Variants in C11orf65 observed in about 807,000 individuals in gnomAD.
The protein encoded by C11orf65 is protein MFI.
A neutral mutation model predicts 35.3 loss-of-function variants in C11orf65; 38 were observed. The ratio of observed to expected loss-of-function variants is 1.08; its 90% CI spans 0.83 to 1.41. C11orf65 has a LOEUF of 1.41. C11orf65 is among the 40% of genes most tolerant of loss of function. The probability of loss-of-function intolerance (pLI) is 0.00; values close to 1 mark genes in which losing one functional copy is unlikely to be tolerated. For synonymous variants in C11orf65, 105 were observed against 114.4 expected (o/e 0.92, Z 0.53); for missense variants, 370 against 367.1 (o/e 1.01, Z -0.06).
At chr11:108,469,641 C>A (rs1438358902), upstream of C11orf65, among the ~76,000 whole-genome samples, 1 of 151,982 alleles carries the variant, frequency 6.6e-6, no homozygotes, top group African/African-American at 2.4e-5. Flanking sequence ...TACCTCTAAC[C>A]TGATCCACAA....
intron 2 of C11orf65, among the ~76,000 whole-genome samples, chr11:108,361,603 T>C (rs1419748040): frequency 6.6e-6 from 1 of 151,730 alleles, no homozygotes; most frequent in African/African-American, 2.4e-5. Flanking sequence ...AACAGAGATA[T>C]AGATCAATGG....
intron 7 of C11orf65, among the ~76,000 whole-genome samples, chr11:108,388,321 A>T (rs2092063212): frequency 6.6e-6 from 1 of 152,238 alleles, no homozygotes; most frequent in African/African-American, 2.4e-5. Context: ...AATTGATAAG[A>T]AATCTAAGTT....
chr11:108,433,241 TTATATA>T (rs572182230), intron 2 of C11orf65, among the ~76,000 whole-genome samples: 10 of 148,722 alleles, frequency 6.7e-5, no homozygotes, highest in Admixed American at 2.7e-4. Flanking sequence ...AAAAAAAAAT[TTATATA>T]TATATATCTC....
chr11:108,332,612 T>A, intron 3 of C11orf65: 1 of 845,026 alleles, frequency 1.2e-6, no homozygotes, highest in Non-Finnish European at 1.8e-6. Context: ...GTATTTCATT[T>A]ATGACTGTTT....
chr11:108,371,916 G>A (rs967680565), intron 2 of C11orf65, among the ~76,000 whole-genome samples: 5 of 152,130 alleles, frequency 3.3e-5, no homozygotes, highest in African/African-American at 1.2e-4. Flanking sequence ...TATGTTTTGA[G>A]TAGCAGACAT....
chr11:108,329,278 G>A (rs1488071646), downstream of C11orf65: 6 of 1,526,416 alleles, frequency 3.9e-6, no homozygotes, highest in Non-Finnish European at 5.4e-6. Flanking sequence ...ATGTTCACCA[G>A]TTAACTGAGT....
intron 6 of C11orf65, chr11:108,312,626 A>G (rs1234211090): frequency 5.9e-6 from 4 of 677,420 alleles, no homozygotes; most frequent in Non-Finnish European, 1.0e-5. Context: ...AGCATCATAT[A>G]TATAAAATTA....
chr11:108,399,041 A>C (rs1416490199), intron 6 of C11orf65, among the ~76,000 whole-genome samples: 1 of 152,128 alleles, frequency 6.6e-6, no homozygotes, highest in Non-Finnish European at 1.5e-5. Flanking sequence ...TAGCCAGAAC[A>C]ACTTTGGTGA....
chr11:108,310,375 T>C (rs2084048180), intron 6 of C11orf65: 1 of 1,497,766 alleles, frequency 6.7e-7, no homozygotes. Flanking sequence ...TCAATAAGGG[T>C]ATATAGTAAA....
At chr11:108,436,049 T>C (rs954952951) in intron 2 of C11orf65, among the ~76,000 whole-genome samples, 22 of 151,732 alleles carry the variant, frequency 1.4e-4, no homozygotes, top group African/African-American at 4.8e-4. Flanking sequence ...AGGGAAAGAC[T>C]TGACAGGTCA....
chr11:108,378,961 A>G (rs995659444), downstream of C11orf65, among the ~76,000 whole-genome samples: 5 of 152,182 alleles, frequency 3.3e-5, no homozygotes, highest in Non-Finnish European at 5.9e-5. Context: ...GGCGATCATT[A>G]AAAAGTCAGG....
Position 108,343,201 on chromosome 11 carries a change from GTATT to G in C11orf65, c.227-7913_227-7910del, listed in dbSNP as rs1064794684. On this transcript the variant is annotated intron_variant, in intron 2 of 3. Coordinates refer to the C11orf65 transcript ENST00000524755. ...TTTAATGGCCTTTTAAAATTAAAAGGTATTTAATCTGTAACTCCAGGTGGTTCCC... is the reference window on the plus strand; with the variant it reads ...TTTAATGGCCTTTTAAAATTAAAAGGTAATCTGTAACTCCAGGTGGTTCCC... The G allele has an allele frequency of 1.9e-6, 3 of 1,613,410 alleles. No individual in the cohort carries two copies. In the African/African-American group the frequency reaches 4.0e-5, roughly 22 times the overall value.
At position 108,347,336 on chromosome 11, in the gene C11orf65, A is replaced by G. The variant is rs1555139623; in HGVS notation, c.227-12044T>C. The G allele has an allele frequency of 6.2e-6, 10 of 1,610,468 alleles. No homozygotes were observed. Among genetic ancestry groups the G allele is most frequent in the Non-Finnish European group, 8.5e-6 (10 of 1,176,872 alleles). ...GTACAGAATATCTTGATAAATGAGC[A>G]GTCAGCAGAACTTGTACATATAGAT... is the stretch of plus-strand genomic sequence containing the variant. On this transcript the variant is annotated intron_variant, in intron 2 of 3. Transcript: ENST00000524755.
At chr11:108,349,641 C>T (rs139136923) in intron 2 of C11orf65, among the ~76,000 whole-genome samples, 2,573 of 151,938 alleles carry the variant, frequency 0.017, 67 homozygotes, top group African/African-American at 0.059. Context: ...TCAGCCTGGG[C>T]GGCAGAGCAA....
chr11:108,330,440 AAT>A (rs2136466787), downstream of C11orf65: 1 of 1,612,458 alleles, frequency 6.2e-7, no homozygotes, highest in Non-Finnish European at 8.5e-7. Flanking sequence ...TACTCAGCCC[AAT>A]ATTCTACCCT....
At chr11:108,351,832 C>G (rs138289438) in intron 2 of C11orf65, among the ~76,000 whole-genome samples, 1 of 152,224 alleles carries the variant, frequency 6.6e-6, no homozygotes, top group Non-Finnish European at 1.5e-5. Context: ...TGCAATGTAT[C>G]ATTTATACTG....
At chr11:108,414,090 TAAC>T (rs989476184) in intron 3 of C11orf65, among the ~76,000 whole-genome samples, 3 of 151,814 alleles carry the variant, frequency 2.0e-5, no homozygotes, top group Admixed American at 6.6e-5. Context: ...ATGAAATTGA[TAAC>T]AAGAAATCTA....
At chr11:108,337,592 G>A (rs983950270) in intron 2 of C11orf65, among the ~76,000 whole-genome samples, 1 of 152,144 alleles carries the variant, frequency 6.6e-6, no homozygotes, top group Non-Finnish European at 1.5e-5. Flanking sequence ...ATGCTGCACT[G>A]GTCCAGGGAC....
chr11:108,383,085 T>C lies in C11orf65; in HGVS notation c.878A>G (p.Tyr293Cys), dbSNP rs774056555. ...ATTTGGTTCTTGATAAACATTTTCA[T>C]AGTAAGTATCATCTGGTATTCCCAT... is the stretch of plus-strand genomic sequence containing the variant. Reference protein sequence around the residue: ...MQMGIPDDTYYENVYQEPNVT... With the variant: ...MQMGIPDDTYCENVYQEPNVT... Residue 293 changes from tyrosine to cysteine, a missense_variant, in exon 9 of 9, where the codon TAT (tyrosine) becomes TGT (cysteine). Physicochemically the swap from Tyr to Cys is radical, Grantham distance 194. Coordinates refer to ENST00000393084, the MANE Select transcript of C11orf65 (RefSeq NM_152587.5). 5.6e-6 allele frequency: 9 copies of C among 1,611,730 alleles called. No individual in the cohort carries two copies. Among genetic ancestry groups the C allele is most frequent in the Non-Finnish European group, 7.6e-6 (9 of 1,178,626 alleles).
Sources: allele counts gnomAD v4.1 joint callset (sites outside exome capture counted in the v4.1 genomes callset), GRCh38; gene constraint gnomAD v4.1.1; transcripts MANE v1.5; gene names NCBI Gene and HGNC (gene_info 2026-07-23, HGNC 2026-07-21).